The following FOXP1 variants were observed in gnomAD, a reference collection of about 807,000 sequenced individuals.
FOXP1 encodes forkhead box protein P1.
In FOXP1, 15 loss-of-function variants were observed where a neutral mutation model predicts 98.2. The observed-to-expected ratio is 0.15, with a 90% CI of 0.10 to 0.24. FOXP1 has a LOEUF of 0.24. Among genes scored for constraint, FOXP1 ranks in the 10% least tolerant of loss-of-function variants. The probability of loss-of-function intolerance (pLI) is 1.00; values close to 1 mark genes in which losing one functional copy is unlikely to be tolerated. For missense variants in FOXP1, 633 were observed against 848.5 expected (o/e 0.75, Z 3.15); for synonymous variants, 371 against 314.5 (o/e 1.18, Z -1.90).
rs115013193 is a variant in FOXP1, at chr3:71,330,506, G to A, written c.-73+28644C>T. Among the ~76,000 whole-genome samples the A allele has an allele frequency of 6.4e-3, 969 of 152,268 alleles. 9 individuals are homozygous for A. The highest frequency in any genetic ancestry group is 0.022 in the African/African-American group (916 of 41,556). On this transcript the variant is annotated intron_variant, in intron 4 of 20. Coordinates refer to ENST00000649528, the MANE Select transcript of FOXP1 (RefSeq NM_001349338.3). ...CAAAAATAAAGAAGTGGAAGTCAGCGGTTCAGCAAACAGCCCTATTTTTGC... is the reference window on the plus strand; with the variant it reads ...CAAAAATAAAGAAGTGGAAGTCAGCAGTTCAGCAAACAGCCCTATTTTTGC...
chr3:71,067,043 A>G (rs2052604263), intron 7 of FOXP1, among the ~76,000 whole-genome samples: 1 of 152,166 alleles, frequency 6.6e-6, no homozygotes, highest in South Asian at 2.1e-4. Flanking sequence ...GGAGATCACT[A>G]GGAGGAGGGG....
At chr3:71,320,177 G>A (rs966991985) in intron 4 of FOXP1, among the ~76,000 whole-genome samples, 1 of 152,008 alleles carries the variant, frequency 6.6e-6, no homozygotes, top group African/African-American at 2.4e-5. Context: ...ACATTAGGAC[G>A]CATCTCAACA....
intron 5 of FOXP1, among the ~76,000 whole-genome samples, chr3:71,241,925 A>AT (rs954052376): frequency 1.3e-5 from 2 of 151,868 alleles, no homozygotes; most frequent in African/African-American, 4.8e-5. Context: ...AGAGAGGAAG[A>AT]TTTTTTTTTA....
intron 5 of FOXP1, among the ~76,000 whole-genome samples, chr3:71,295,168 G>A (rs570234641): frequency 5.3e-5 from 8 of 152,194 alleles, no homozygotes; most frequent in African/African-American, 7.2e-5. Flanking sequence ...CAGCCAATGC[G>A]GTCATCTGGT....
chr3:71,257,059 T>A (rs958894167), intron 5 of FOXP1, among the ~76,000 whole-genome samples: 1 of 152,196 alleles, frequency 6.6e-6, no homozygotes, highest in Non-Finnish European at 1.5e-5. Context: ...AGCAGTATGA[T>A]GGGAAGGCCC....
intron 7 of FOXP1, among the ~76,000 whole-genome samples, chr3:71,091,902 T>C (rs150189409): frequency 1.3e-5 from 2 of 152,242 alleles, no homozygotes; most frequent in Non-Finnish European, 2.9e-5. Context: ...AAAATCACGA[T>C]GTAGGCTGAG....
At chr3:71,539,610 C>T (rs535323853) in intron 2 of FOXP1, among the ~76,000 whole-genome samples, 8 of 152,046 alleles carry the variant, frequency 5.3e-5, no homozygotes, top group Non-Finnish European at 7.4e-5. Context: ...AGTCTATGAA[C>T]ATATGATATC....
At chr3:71,052,121 C>T (rs931368253) in intron 9 of FOXP1, among the ~76,000 whole-genome samples, 1 of 152,004 alleles carries the variant, frequency 6.6e-6, no homozygotes, top group South Asian at 2.1e-4. Context: ...AGGGGTTATT[C>T]TTCCAATGGA....
chr3:71,150,453 A>AGAT (rs2060512726), intron 6 of FOXP1, among the ~76,000 whole-genome samples: 4 of 152,084 alleles, frequency 2.6e-5, no homozygotes, highest in Non-Finnish European at 5.9e-5. Context: ...ATGATACTTG[A>AGAT]GATAAGTTTC....
intron 3 of FOXP1, among the ~76,000 whole-genome samples, chr3:71,392,257 T>C (rs1301201276): frequency 6.6e-6 from 1 of 152,200 alleles, no homozygotes; most frequent in African/African-American, 2.4e-5. Context: ...AGTGTTTTAT[T>C]AAACCTAAGG....
intron 3 of FOXP1, among the ~76,000 whole-genome samples, chr3:71,411,911 C>T (rs555028287): frequency 1.3e-5 from 2 of 152,196 alleles, no homozygotes; most frequent in Non-Finnish European, 2.9e-5. Flanking sequence ...CCGACTGAGA[C>T]GTGGATATGT....
At chr3:71,257,958 T>C (rs1283613224) in intron 5 of FOXP1, among the ~76,000 whole-genome samples, 2 of 152,178 alleles carry the variant, frequency 1.3e-5, no homozygotes, top group Non-Finnish European at 2.9e-5. Context: ...AACATGACAG[T>C]GAACACAAAA....
chr3:71,169,040 G>A (rs1361330656), intron 6 of FOXP1, among the ~76,000 whole-genome samples: 1 of 152,216 alleles, frequency 6.6e-6, no homozygotes, highest in Non-Finnish European at 1.5e-5. Context: ...TTACAGCTGA[G>A]TCACATTTAT....
At chr3:71,488,237 T>C (rs1048710707) in intron 3 of FOXP1, among the ~76,000 whole-genome samples, 1 of 152,242 alleles carries the variant, frequency 6.6e-6, no homozygotes, top group African/African-American at 2.4e-5. Flanking sequence ...TTACAGCTTC[T>C]GAATTAAATG....
intron 3 of FOXP1, among the ~76,000 whole-genome samples, chr3:71,461,147 T>C (rs1172483734): frequency 3.9e-5 from 6 of 152,196 alleles, no homozygotes; most frequent in South Asian, 4.1e-4. Flanking sequence ...GTACGAGCTA[T>C]AATAAAATGG....
intron 11 of FOXP1, among the ~76,000 whole-genome samples, chr3:71,032,154 C>G (rs1335147324): frequency 6.6e-6 from 1 of 152,226 alleles, no homozygotes; most frequent in Non-Finnish European, 1.5e-5. Flanking sequence ...GCCCCGATGC[C>G]TTCCTGTGAA....
chr3:71,384,229 C>T (rs958989307), intron 3 of FOXP1, among the ~76,000 whole-genome samples: 1 of 152,070 alleles, frequency 6.6e-6, no homozygotes, highest in African/African-American at 2.4e-5. Context: ...AACAAACAAA[C>T]AAACAAACAA....
At chr3:71,269,473 A>G (rs764794026) in intron 5 of FOXP1, among the ~76,000 whole-genome samples, 2 of 152,202 alleles carry the variant, frequency 1.3e-5, no homozygotes, top group Non-Finnish European at 2.9e-5. Context: ...TTCCATCTTG[A>G]AGAACCCAGT....
In FOXP1 at chr3:71,137,792, A is replaced by ATTTAT. The variant is rs11403348; in HGVS notation, c.181-25156_181-25155insATAAA. ...GATAATTCTATTTATTTATTTATTT[A>ATTTAT]TTATTATTTTTTTTTTTTGGTGCAA... On this transcript the variant is annotated intron_variant, in intron 6 of 20. Coordinates refer to ENST00000649528, the MANE Select transcript of FOXP1 (RefSeq NM_001349338.3). Among the ~76,000 whole-genome samples the ATTTAT allele has an allele frequency of 2.1e-3, 285 of 138,848 alleles. 1 individual carries two copies. Among genetic ancestry groups the ATTTAT allele is most frequent in the South Asian group, 0.017 (73 of 4,228 alleles). The allele number at this position is 138,848 out of a possible 152,430, so 91.1% of individuals were successfully genotyped here.
Sources: gnomAD v4.1 joint callset for allele counts (sites outside exome capture counted in the v4.1 genomes callset) on GRCh38, gnomAD v4.1.1 for gene constraint, MANE v1.5 for transcripts, NCBI Gene and HGNC (gene_info 2026-07-23, HGNC 2026-07-21) for gene names.